The following NEGR1 variants were observed in gnomAD, a reference collection of about 807,000 sequenced individuals.
The protein encoded by NEGR1 is neuronal growth regulator 1, also known as IgLON family member 4.
NEGR1 carries 10 observed loss-of-function variants against 40.9 expected under a neutral mutation model. The ratio of observed to expected loss-of-function variants is 0.24; its 90% confidence interval spans 0.15 to 0.42. NEGR1 has a LOEUF of 0.42. Ranked by LOEUF, NEGR1 falls within the 10% of genes least tolerant of loss-of-function variation. The pLI is 1.00. For missense variants in NEGR1, 352 were observed against 438.9 expected, an observed-to-expected ratio of 0.80 and a Z score of 1.77; for synonymous variants, 185 against 166.8, an observed-to-expected ratio of 1.11 and a Z score of -0.84.
chr1:71,507,178 A>G (rs1310077302), intron 6 of NEGR1, among the ~76,000 whole-genome samples: 1 of 152,240 alleles, frequency 6.6e-6, no homozygotes, highest in Non-Finnish European at 1.5e-5. Flanking sequence ...GTAGGAAAGA[A>G]GCTTGCAAAT....
intron 2 of NEGR1, among the ~76,000 whole-genome samples, chr1:71,886,948 C>T (rs760795363): frequency 1.5e-4 from 23 of 152,126 alleles, no homozygotes; most frequent in Non-Finnish European, 2.5e-4. Flanking sequence ...GGAGTTAGCA[C>T]TGAACACTGC....
At chr1:71,630,672 T>C (rs898916106) in intron 4 of NEGR1, among the ~76,000 whole-genome samples, 2 of 151,830 alleles carry the variant, frequency 1.3e-5, no homozygotes. Context: ...GTGTGTCTTG[T>C]TGGCTCTGAT....
intron 6 of NEGR1, among the ~76,000 whole-genome samples, chr1:71,495,685 T>C (rs1452451347): frequency 1.3e-5 from 2 of 152,044 alleles, no homozygotes; most frequent in African/African-American, 2.4e-5. Context: ...TTGGGTACCA[T>C]GGATATTTAG....
chr1:72,037,225 A>G (rs2100449549), intron 1 of NEGR1, among the ~76,000 whole-genome samples: 1 of 152,324 alleles, frequency 6.6e-6, no homozygotes, highest in Non-Finnish European at 1.5e-5. Context: ...GAGATGTTGG[A>G]ATAGATATTT....
intron 4 of NEGR1, among the ~76,000 whole-genome samples, chr1:71,633,483 T>C (rs565714963): frequency 9.9e-5 from 15 of 152,166 alleles, no homozygotes; most frequent in African/African-American, 3.6e-4. Context: ...AGTGGGAAGA[T>C]TGGCTCAATT....
chr1:71,920,078 G>T (rs1236296408), intron 2 of NEGR1, among the ~76,000 whole-genome samples: 1 of 152,110 alleles, frequency 6.6e-6, no homozygotes, highest in South Asian at 2.1e-4. Context: ...CTGCTCCCCA[G>T]AGTCCTCCAT....
chr1:71,805,549 A>G (rs1657737574), intron 2 of NEGR1, among the ~76,000 whole-genome samples: 1 of 152,206 alleles, frequency 6.6e-6, no homozygotes. Flanking sequence ...TATCACAGAG[A>G]TGTCTTTGCA....
chr1:71,457,907 T>A (rs916551938), intron 6 of NEGR1, among the ~76,000 whole-genome samples: 4 of 152,102 alleles, frequency 2.6e-5, no homozygotes, highest in Non-Finnish European at 5.9e-5. Flanking sequence ...TTTCACTGTG[T>A]TAGCCAGGAT....
intron 1 of NEGR1, among the ~76,000 whole-genome samples, chr1:71,970,815 G>A (rs1294371769): frequency 6.6e-6 from 1 of 152,100 alleles, no homozygotes; most frequent in Non-Finnish European, 1.5e-5. Flanking sequence ...AATATGTACC[G>A]ATCATTGTAT....
intron 2 of NEGR1, among the ~76,000 whole-genome samples, chr1:71,826,159 T>C (rs1056357798): frequency 6.6e-6 from 1 of 151,918 alleles, no homozygotes; most frequent in African/African-American, 2.4e-5. Context: ...TGGATTTTAG[T>C]TTCTGGATTC....
intron 1 of NEGR1, among the ~76,000 whole-genome samples, chr1:72,088,346 C>A (rs1312949496): frequency 6.6e-6 from 1 of 152,102 alleles, no homozygotes; most frequent in African/African-American, 2.4e-5. Flanking sequence ...TCAAGAAGAT[C>A]TACAGGTGAT....
intron 6 of NEGR1, among the ~76,000 whole-genome samples, chr1:71,426,162 C>T (rs537838622): frequency 1.3e-5 from 2 of 152,256 alleles, no homozygotes; most frequent in East Asian, 1.9e-4. Flanking sequence ...AGGCACACAC[C>T]TCCCCTTAAA....
chr1:71,632,717 A>G (rs1343945836), intron 4 of NEGR1, among the ~76,000 whole-genome samples: 1 of 151,894 alleles, frequency 6.6e-6, no homozygotes, highest in Non-Finnish European at 1.5e-5. Flanking sequence ...CAAAACATTT[A>G]TTGAGGATTT....
At chr1:71,480,055 C>T (rs1191594523) in intron 6 of NEGR1, among the ~76,000 whole-genome samples, 4 of 151,750 alleles carry the variant, frequency 2.6e-5, no homozygotes, top group African/African-American at 9.7e-5. Flanking sequence ...ATTAGTATAG[C>T]CTGAAAACAA....
chr1:71,695,482 T>C (rs2101626525), intron 4 of NEGR1, among the ~76,000 whole-genome samples: 1 of 151,898 alleles, frequency 6.6e-6, no homozygotes, highest in Middle Eastern at 3.4e-3. Flanking sequence ...TCTGTCATGA[T>C]TTAAAAAGCA....
intron 2 of NEGR1, among the ~76,000 whole-genome samples, chr1:71,832,218 A>G (rs1398199682): frequency 6.6e-6 from 1 of 152,004 alleles, no homozygotes; most frequent in Non-Finnish European, 1.5e-5. Context: ...AGGGAAGAAT[A>G]AAAGATAGCC....
chr1:72,163,577 A>T (rs1651665184), intron 1 of NEGR1, among the ~76,000 whole-genome samples: 1 of 152,114 alleles, frequency 6.6e-6, no homozygotes, highest in Non-Finnish European at 1.5e-5. Context: ...GTATAGATTT[A>T]GTACATGTTA....
At chr1:72,039,940 C>T (rs539988338) in intron 1 of NEGR1, among the ~76,000 whole-genome samples, 80 of 151,922 alleles carry the variant, frequency 5.3e-4, no homozygotes, top group Admixed American at 2.7e-3. Context: ...AACTCAAAAA[C>T]GTATTTTCTA....
intron 1 of NEGR1, among the ~76,000 whole-genome samples, chr1:72,240,341 A>G (rs1046828743): frequency 2.6e-5 from 4 of 151,900 alleles, no homozygotes; most frequent in African/African-American, 9.7e-5. Context: ...AGCATAAACA[A>G]TAGCTAACAC....
Sources: gnomAD v4.1 joint callset for allele counts (sites outside exome capture counted in the v4.1 genomes callset) on GRCh38, gnomAD v4.1.1 for gene constraint, MANE v1.5 for transcripts, NCBI Gene and HGNC (gene_info 2026-07-23, HGNC 2026-07-21) for gene names.